Variants in CELF4 observed in about 807,000 individuals in gnomAD.
CELF4 encodes the protein CUG-BP- and ETR-3-like factor 4.
In CELF4, 18 loss-of-function variants were observed where a neutral mutation model predicts 59.9. The ratio of observed to expected loss-of-function variants is 0.30; its 90% CI spans 0.21 to 0.45. CELF4 has a LOEUF of 0.45. Among genes scored for constraint, CELF4 ranks in the 20% least tolerant of loss-of-function variants. CELF4 has a pLI of 1.00. For synonymous variants in CELF4, 261 were observed against 267.1 expected (o/e 0.98, Z 0.22); for missense variants, 456 against 689.0 (o/e 0.66, Z 3.79).
At chr18:37,553,182 A>G (rs1433323253) in intron 1 of CELF4, among the ~76,000 whole-genome samples, 3 of 152,236 alleles carry the variant, frequency 2.0e-5, no homozygotes, top group Non-Finnish European at 4.4e-5. Context: ...GTTTTTCAAT[A>G]AAAAGATTTT....
intron 2 of CELF4, among the ~76,000 whole-genome samples, chr18:37,413,037 G>T (rs1242390658): frequency 6.6e-6 from 1 of 152,148 alleles, no homozygotes; most frequent in Non-Finnish European, 1.5e-5. Flanking sequence ...CACATTATTG[G>T]CTCGCTCTTC....
At chr18:37,279,336 G>C (rs905691229) in intron 3 of CELF4, among the ~76,000 whole-genome samples, 2 of 151,326 alleles carry the variant, frequency 1.3e-5, no homozygotes, top group Non-Finnish European at 3.0e-5. Flanking sequence ...CCCCCTGGGG[G>C]CCCAGAGATG....
intron 2 of CELF4, among the ~76,000 whole-genome samples, chr18:37,445,300 G>T (rs1603641360): frequency 6.6e-6 from 1 of 152,046 alleles, no homozygotes; most frequent in East Asian, 1.9e-4. Context: ...GCGCGGCCAG[G>T]GTCTTGTTTC....
intron 2 of CELF4, among the ~76,000 whole-genome samples, chr18:37,433,576 T>C (rs780788102): frequency 2.1e-4 from 32 of 152,244 alleles, no homozygotes; most frequent in Non-Finnish European, 3.8e-4. Context: ...GCTTTTGTTT[T>C]TGGGAGTTAT....
At chr18:37,531,286 C>T (rs1464435655) in intron 1 of CELF4, among the ~76,000 whole-genome samples, 1 of 152,110 alleles carries the variant, frequency 6.6e-6, no homozygotes, top group Non-Finnish European at 1.5e-5. Context: ...AACTGGTCCT[C>T]ATACTGCTTC....
intron 1 of CELF4, among the ~76,000 whole-genome samples, chr18:37,540,804 G>C (rs1204154778): frequency 6.6e-6 from 1 of 152,206 alleles, no homozygotes; most frequent in Non-Finnish European, 1.5e-5. Flanking sequence ...GCATGGGAGG[G>C]ACAGAGCTGG....
At chr18:37,516,197 C>A (rs1465218132) in intron 1 of CELF4, among the ~76,000 whole-genome samples, 2 of 152,158 alleles carry the variant, frequency 1.3e-5, no homozygotes, top group South Asian at 2.1e-4. Context: ...TCCCTTCCTG[C>A]CCCCTGGTAG....
At chr18:37,267,204 G>C (rs2078083412) in intron 8 of CELF4, among the ~76,000 whole-genome samples, 1 of 152,216 alleles carries the variant, frequency 6.6e-6, no homozygotes, top group African/African-American at 2.4e-5. Flanking sequence ...CCAGCAAACT[G>C]GGAGAGGGGT....
At chr18:37,332,643 A>T (rs920765003) in intron 2 of CELF4, among the ~76,000 whole-genome samples, 2 of 152,236 alleles carry the variant, frequency 1.3e-5, no homozygotes, top group African/African-American at 2.4e-5. Context: ...CCAGAGGCCC[A>T]GCCTCAAGCA....
intron 2 of CELF4, among the ~76,000 whole-genome samples, chr18:37,394,448 G>A (rs2099214400): frequency 6.6e-6 from 1 of 152,176 alleles, no homozygotes; most frequent in Admixed American, 6.5e-5. Context: ...CCTTCTGGCC[G>A]CGCGTGCTTC....
chr18:37,412,800 A>G (rs1373043866), intron 2 of CELF4, among the ~76,000 whole-genome samples: 2 of 152,116 alleles, frequency 1.3e-5, no homozygotes, highest in East Asian at 3.9e-4. Flanking sequence ...TGATGGAGGC[A>G]GAGATGGCCT....
intron 2 of CELF4, among the ~76,000 whole-genome samples, chr18:37,442,420 C>T (rs2099734783): frequency 6.6e-6 from 1 of 152,060 alleles, no homozygotes; most frequent in African/African-American, 2.4e-5. Flanking sequence ...AAATTTTTTT[C>T]CCTTTGAAGC....
chr18:37,390,830 G>A (rs1310031081), intron 2 of CELF4, among the ~76,000 whole-genome samples: 1 of 150,334 alleles, frequency 6.7e-6, no homozygotes, highest in African/African-American at 2.5e-5. Flanking sequence ...CTGCTGGCCG[G>A]CACAGCAGTG....
chr18:37,305,531 C>T (rs1041393246), intron 3 of CELF4: 4 of 152,474 alleles, frequency 2.6e-5, no homozygotes, highest in Admixed American at 1.3e-4. Context: ...ACTCTGCTAT[C>T]CCCTCCAGTT....
intron 2 of CELF4, among the ~76,000 whole-genome samples, chr18:37,346,707 G>C (rs527592033): frequency 2.2e-4 from 34 of 152,240 alleles, no homozygotes; most frequent in African/African-American, 6.7e-4. Flanking sequence ...GAGTCAGTTT[G>C]GGGAGGAGTA....
intron 2 of CELF4, among the ~76,000 whole-genome samples, chr18:37,442,579 A>ATGG (rs1214381883): frequency 5.9e-5 from 9 of 152,286 alleles, no homozygotes; most frequent in African/African-American, 2.2e-4. Context: ...GGCTTGGCCC[A>ATGG]AACAGCACAG....
At chr18:37,478,208 T>G (rs1169560872) in intron 2 of CELF4, among the ~76,000 whole-genome samples, 1 of 152,184 alleles carries the variant, frequency 6.6e-6, no homozygotes, top group African/African-American at 2.4e-5. Context: ...TGAGAGGCGA[T>G]CTGGCCCACC....
chr18:37,434,554 C>T (rs929288346), intron 2 of CELF4, among the ~76,000 whole-genome samples: 1 of 152,204 alleles, frequency 6.6e-6, no homozygotes, highest in Non-Finnish European at 1.5e-5. Flanking sequence ...CTTATTACAC[C>T]AGCGAAGAGC....
chr18:37,259,282 GGTGGGC>G lies in CELF4; in HGVS notation c.1250-24_1250-19del. 11 of 980,950 alleles carry G rather than the reference GGTGGGC, an allele frequency of 1.1e-5. No individual in the cohort carries two copies. The highest frequency in any genetic ancestry group is 5.0e-5 in the East Asian group (2 of 40,266). 60.8% of individuals were successfully genotyped at this position (980,950 alleles called of 1,614,324 possible). Reference sequence around the variant, plus strand: ...CTCGGGCCCTGCGGTGAGGGGAGGGGGTGGGCGGGGGAGGAGGGATGGCAGGGTGGG... The same window carrying G: ...CTCGGGCCCTGCGGTGAGGGGAGGGGGGGGGAGGAGGGATGGCAGGGTGGG... On this transcript the variant is annotated intron_variant, in intron 10 of 12. Coordinates refer to ENST00000420428, the MANE Select transcript of CELF4 (RefSeq NM_020180.4).
Sources: gnomAD v4.1 joint callset for allele counts (sites outside exome capture counted in the v4.1 genomes callset) on GRCh38, gnomAD v4.1.1 for gene constraint, MANE v1.5 for transcripts, NCBI Gene and HGNC (gene_info 2026-07-23, HGNC 2026-07-21) for gene names.